The following GPLD1 variants were observed in gnomAD, a reference collection of about 807,000 sequenced individuals.
GPLD1 encodes phosphatidylinositol-glycan-specific phospholipase D.
A neutral mutation model predicts 112.6 loss-of-function variants in GPLD1; 84 were observed. The ratio of observed to expected loss-of-function variants is 0.75; its 90% CI spans 0.63 to 0.89. GPLD1 has a LOEUF of 0.89. Ranked by LOEUF, GPLD1 falls within the 40% of genes least tolerant of loss-of-function variation. The pLI is 0.00. For synonymous variants in GPLD1, 386 were observed against 403.8 expected (o/e 0.96, Z 0.53); for missense variants, 1,044 against 1,051.5 (o/e 0.99, Z 0.10).
intron 6 of GPLD1, among the ~76,000 whole-genome samples, chr6:24,472,883 C>A (rs1409144579): frequency 2.0e-5 from 3 of 151,580 alleles, no homozygotes; most frequent in Non-Finnish European, 4.4e-5. Context: ...TCAAGCAATT[C>A]TCCTGCCTCA....
At chr6:24,482,687 G>C (rs1561858310) in intron 2 of GPLD1, among the ~76,000 whole-genome samples, 2 of 152,224 alleles carry the variant, frequency 1.3e-5, no homozygotes, top group Non-Finnish European at 2.9e-5. Context: ...GGCTGGGCAA[G>C]GTGGTGCACA....
At position 24,489,515 on chromosome 6, in the gene GPLD1, C is replaced by A; in HGVS notation, c.-4G>T. The A allele has an allele frequency of 6.2e-7, 1 of 1,613,766 alleles. No homozygotes were observed. Among genetic ancestry groups the A allele is most frequent in the Admixed American group, 1.7e-5 (1 of 60,014 alleles). On this transcript the variant is annotated 5_prime_UTR_variant, in exon 1 of 25. Transcript: ENST00000230036. ...GCCACAACCTGAAAGCAGACATGATCTCATTGCCCACCGGCTTCTCTGGTG... is the reference window on the plus strand; with the variant it reads ...GCCACAACCTGAAAGCAGACATGATATCATTGCCCACCGGCTTCTCTGGTG...
At chr6:24,474,946 CAAAA>C (rs10646493) in intron 5 of GPLD1, among the ~76,000 whole-genome samples, 171 bp downstream of exon 5, 1 of 108,646 alleles carries the variant, frequency 9.2e-6, no homozygotes. Flanking sequence ...GACTCCATCT[CAAAA>C]AAAAAAAAAA....
intron 14 of GPLD1, among the ~76,000 whole-genome samples, chr6:24,453,136 G>A (rs921795438): frequency 1.3e-5 from 2 of 152,164 alleles, no homozygotes; most frequent in African/African-American, 2.4e-5. Context: ...TAGTCACTGC[G>A]GGTTTTTTCA....
chr6:24,449,926 TGGGCTGAGCCACG>T (rs758921084), intron 14 of GPLD1, 27 bp from the exon 15 acceptor site: 2 of 1,528,850 alleles, frequency 1.3e-6, no homozygotes, highest in Non-Finnish European at 9.0e-7. Context: ...TTACTTCCCC[TGGGCTGAGCCACG>T]GCCTCGGAAA....
At chr6:24,485,960 C>T (rs1036871339) in intron 2 of GPLD1, 115 bp downstream of exon 2, 10 of 673,632 alleles carry the variant, frequency 1.5e-5, no homozygotes, top group Admixed American at 1.2e-4. Flanking sequence ...TGAGCCACCA[C>T]GCCCAGCCAA....
intron 10 of GPLD1, among the ~76,000 whole-genome samples, chr6:24,464,974 C>T (rs1389353062): frequency 6.6e-6 from 1 of 151,892 alleles, no homozygotes; most frequent in Non-Finnish European, 1.5e-5. Flanking sequence ...GGGTGGATCA[C>T]TTGAGGTCAG....
At chr6:24,436,507 T>G in intron 22 of GPLD1, 69 bp downstream of exon 22, 68 of 1,338,256 alleles carry the variant, frequency 5.1e-5, no homozygotes, top group Non-Finnish European at 6.8e-5. Flanking sequence ...ATAGTGGACA[T>G]GAGTTAACAA....
chr6:24,443,183 G>A (rs1411041402), intron 20 of GPLD1, among the ~76,000 whole-genome samples: 1 of 152,120 alleles, frequency 6.6e-6, no homozygotes, highest in Non-Finnish European at 1.5e-5. Flanking sequence ...ACGTAGAAAT[G>A]AAAACTTGAA....
intron 6 of GPLD1, among the ~76,000 whole-genome samples, 200 bp from the exon 7 acceptor site, chr6:24,472,836 C>T (rs964499971): frequency 4.0e-5 from 6 of 150,860 alleles, no homozygotes; most frequent in African/African-American, 9.8e-5. Context: ...AGTGCAATGG[C>T]GTGATCTCGG....
chr6:24,459,818 G>T (rs1056223050), intron 12 of GPLD1, among the ~76,000 whole-genome samples: 1 of 152,192 alleles, frequency 6.6e-6, no homozygotes, highest in African/African-American at 2.4e-5. Context: ...AAGAAGGATT[G>T]GCCTGGGTGC....
chr6:24,424,751 T>A (rs960219591), downstream of GPLD1: 5 of 152,326 alleles, frequency 3.3e-5, no homozygotes, highest in South Asian at 1.0e-3. Flanking sequence ...GTCCAGCTCT[T>A]GCACTACAAA....
rs1428354646 is a variant in GPLD1 at position 24,428,743 on chromosome 6, G to A, written c.*289C>T. On this transcript the variant is annotated 3_prime_UTR_variant, in exon 25 of 25. Coordinates refer to ENST00000230036, the MANE Select transcript of GPLD1 (RefSeq NM_001503.4). ...GGTCTGACTACAGGCAATAAGTTGG[G>A]AAAGAAGAAAGGTTTAGATGCAAAG... 2 of 277,276 alleles carry A rather than the reference G, an allele frequency of 7.2e-6. No homozygotes were observed. The highest frequency in any genetic ancestry group is 1.3e-5 in the Non-Finnish European group (2 of 148,954). The allele number at this position is 277,276 out of a possible 1,614,324, so 17.2% of individuals were successfully genotyped here. A position where few individuals can be genotyped will look rare whatever the true frequency, so the allele number is the denominator to read the frequency against.
At chr6:24,450,502 A>G (rs1033819396) in intron 14 of GPLD1, among the ~76,000 whole-genome samples, 10 of 151,986 alleles carry the variant, frequency 6.6e-5, no homozygotes, top group African/African-American at 2.4e-4. Context: ...CTCCATCTCA[A>G]AAAAACAAAC....
At chr6:24,445,870 AGACT>A (rs765868702) in intron 18 of GPLD1, 39 bp from the exon 19 acceptor site, 9 of 1,405,316 alleles carry the variant, frequency 6.4e-6, no homozygotes, top group Non-Finnish European at 8.1e-6. Flanking sequence ...CCAGGGCACA[AGACT>A]GACAGCTGGC....
intron 2 of GPLD1, among the ~76,000 whole-genome samples, chr6:24,483,237 A>G (rs898822499): frequency 1.3e-5 from 2 of 151,348 alleles, no homozygotes; most frequent in Non-Finnish European, 2.9e-5. Context: ...CTGAGTCACA[A>G]GAATAATTTG....
In GPLD1 at chr6:24,466,805, G is replaced by T. The variant is rs149146761; in HGVS notation, c.696C>A (p.Tyr232Ter). 1 of 1,610,504 alleles carries T rather than the reference G, an allele frequency of 6.2e-7. No individual in the cohort carries two copies. Among genetic ancestry groups the T allele is most frequent in the South Asian group, 1.1e-5 (1 of 90,968 alleles). Residue 232 changes from tyrosine to a stop codon, truncating the protein, a stop_gained, in exon 10 of 25, where the codon TAC (tyrosine) becomes TAA (stop). Transcript: ENST00000230036. LOFTEE classifies it high-confidence loss of function. Reference protein sequence around the residue: ...MLAVSKLYPTYSTKSPFLVEQ... With the variant: ...MLAVSKLYPT ...CCACCAAAAACGGGGACTTTGTAGA[G>T]TAAGTGGGATATAACTATGGCAGAG...
At chr6:24,476,425 GC>G in intron 3 of GPLD1, 147 bp from the exon 4 acceptor site, 1 of 591,410 alleles carries the variant, frequency 1.7e-6, no homozygotes, top group East Asian at 2.8e-5. Context: ...TTCAAAAGAA[GC>G]CTCTAAAACG....
chr6:24,447,833 A>C (rs796985), intron 17 of GPLD1, 44 bp downstream of exon 17: 1,261,179 of 1,595,666 alleles, frequency 0.79, 511,300 homozygotes, highest in Non-Finnish European at 0.85. Flanking sequence ...TGTCGTAGAC[A>C]CACAGAGCAG....
Sources: allele counts gnomAD v4.1 joint callset (sites outside exome capture counted in the v4.1 genomes callset), GRCh38; gene constraint gnomAD v4.1.1; transcripts MANE v1.5; gene names NCBI Gene and HGNC (gene_info 2026-07-23, HGNC 2026-07-21).